RIMS2: variants seen among roughly 807,000 people sequenced by gnomAD.
RIMS2 encodes regulating synaptic membrane exocytosis protein 2.
RIMS2 carries 59 observed loss-of-function variants against 174.4 expected under a neutral mutation model. The ratio of observed to expected loss-of-function variants is 0.34; its 90% CI spans 0.27 to 0.42. The LOEUF (loss-of-function observed/expected upper bound fraction) is 0.42. Among genes scored for constraint, RIMS2 ranks in the 10% least tolerant of loss-of-function variants. The pLI, the probability that RIMS2 is intolerant of heterozygous loss-of-function variation, is 1.00. For synonymous variants in RIMS2, 606 were observed against 572.5 expected (o/e 1.06, Z -0.84); for missense variants, 1,620 against 1,666.3 (o/e 0.97, Z 0.48).
chr8:103,623,651 A>T (rs1212956653), intron 1 of RIMS2, among the ~76,000 whole-genome samples: 1 of 142,116 alleles, frequency 7.0e-6, no homozygotes, highest in Non-Finnish European at 1.6e-5. Flanking sequence ...CGCCCGGCTA[A>T]TTTTTTTTTT....
intron 1 of RIMS2, among the ~76,000 whole-genome samples, chr8:103,670,934 G>T (rs1180942380): frequency 6.6e-6 from 1 of 152,076 alleles, no homozygotes; most frequent in Non-Finnish European, 1.5e-5. Flanking sequence ...CCACTCTAAT[G>T]GTACCTGCTT....
Position 103,766,433 on chromosome 8 carries a change from AC to A in RIMS2, c.596del (p.Pro199LeufsTer23). 6.2e-7 allele frequency: 1 copy of A among 1,613,550 alleles called. No individual in the cohort carries two copies. Among genetic ancestry groups the A allele is most frequent in the Non-Finnish European group, 8.5e-7 (1 of 1,179,478 alleles). On this transcript the variant is annotated frameshift_variant, in exon 3 of 24. Transcript: ENST00000504942. LOFTEE classifies it high-confidence loss of function. The stretch of plus-strand genomic sequence containing the variant: ...AAGGACCCTCAGGTGACTTATCTGT[AC>A]CTGCAGTGGAGAAAAGTCGATCTCA...
intron 1 of RIMS2, among the ~76,000 whole-genome samples, chr8:103,579,873 A>T (rs1197653141): frequency 1.3e-5 from 2 of 152,214 alleles, no homozygotes; most frequent in African/African-American, 4.8e-5. Flanking sequence ...GCAAAGGGGA[A>T]GCAAGTATGT....
intron 19 of RIMS2, among the ~76,000 whole-genome samples, chr8:104,131,488 G>T (rs1037712624): frequency 1.4e-4 from 21 of 152,168 alleles, no homozygotes; most frequent in Non-Finnish European, 2.9e-4. Flanking sequence ...AAATAAATAT[G>T]TTATATTTGA....
chr8:103,748,714 G>T (rs577558859), intron 2 of RIMS2, among the ~76,000 whole-genome samples: 1 of 151,870 alleles, frequency 6.6e-6, no homozygotes, highest in Non-Finnish European at 1.5e-5. Flanking sequence ...AATTATGTCT[G>T]GTCCTTTGTC....
Position 103,746,244 on chromosome 8 carries a change from G to T in RIMS2, c.388-19983G>T, listed in dbSNP as rs148771473. ...ATCTTGGCTCCCTTGTTGAAAATCA[G>T]TTGACCATAGATGTATGGGTTTATT... On this transcript the variant is annotated intron_variant, in intron 2 of 23. Transcript: ENST00000504942. 2.3e-3 allele frequency among the ~76,000 whole-genome samples: 353 copies of T among 152,228 alleles called. 3 individuals carry two copies. The highest frequency in any genetic ancestry group is 8.1e-3 in the African/African-American group (336 of 41,532).
At chr8:103,536,958 A>T (rs545386438) in intron 1 of RIMS2, among the ~76,000 whole-genome samples, 1 of 152,346 alleles carries the variant, frequency 6.6e-6, no homozygotes, top group Admixed American at 6.5e-5. Context: ...GTAAAACAAA[A>T]ACCAAACTCA....
At chr8:104,061,157 G>A (rs1162729199) in intron 19 of RIMS2, among the ~76,000 whole-genome samples, 1 of 152,166 alleles carries the variant, frequency 6.6e-6, no homozygotes, top group African/African-American at 2.4e-5. Flanking sequence ...TCTGTCTAAT[G>A]TTGACAGTAG....
chr8:103,817,272 C>T (rs2098723712), intron 3 of RIMS2, among the ~76,000 whole-genome samples: 1 of 152,142 alleles, frequency 6.6e-6, no homozygotes, highest in Non-Finnish European at 1.5e-5. Flanking sequence ...GATTAGGCCA[C>T]TGGCAGGTAG....
At chr8:103,560,792 A>G (rs1178143750) in intron 1 of RIMS2, among the ~76,000 whole-genome samples, 1 of 152,216 alleles carries the variant, frequency 6.6e-6, no homozygotes, top group Non-Finnish European at 1.5e-5. Context: ...ATCAAAAATG[A>G]AACCCCAGAT....
chr8:103,972,625 A>C (rs75558347), intron 15 of RIMS2, among the ~76,000 whole-genome samples: 1 of 152,038 alleles, frequency 6.6e-6, no homozygotes, highest in African/African-American at 2.4e-5. Context: ...CAAGCACCCT[A>C]TCCTCCTTGC....
chr8:103,718,840 T>C (rs1213662510), intron 2 of RIMS2, among the ~76,000 whole-genome samples: 1 of 152,084 alleles, frequency 6.6e-6, no homozygotes, highest in African/African-American at 2.4e-5. Flanking sequence ...GGTACATTTT[T>C]GTGTGTATTT....
intron 1 of RIMS2, among the ~76,000 whole-genome samples, chr8:103,526,826 G>A (rs575163907): frequency 9.2e-5 from 14 of 151,802 alleles, no homozygotes; most frequent in Non-Finnish European, 1.8e-4. Flanking sequence ...GAGAAGGAGA[G>A]TGCAAGAGAC....
chr8:103,823,900 A>C (rs1280691828), intron 3 of RIMS2, among the ~76,000 whole-genome samples: 1 of 152,070 alleles, frequency 6.6e-6, no homozygotes, highest in African/African-American at 2.4e-5. Flanking sequence ...ATCATCTAAT[A>C]TACACATTTT....
At chr8:103,837,523 C>T (rs970266231) in intron 3 of RIMS2, among the ~76,000 whole-genome samples, 1 of 152,190 alleles carries the variant, frequency 6.6e-6, no homozygotes, top group Non-Finnish European at 1.5e-5. Flanking sequence ...TCCCTCCCCC[C>T]TCAACAGACC....
chr8:103,679,256 T>C (rs1415918330), intron 1 of RIMS2, among the ~76,000 whole-genome samples: 1 of 151,990 alleles, frequency 6.6e-6, no homozygotes, highest in East Asian at 1.9e-4. Flanking sequence ...TCTTATCTTA[T>C]GAGGAGCTCT....
At chr8:104,022,944 C>T (rs561269215) in intron 19 of RIMS2, among the ~76,000 whole-genome samples, 40 of 152,208 alleles carry the variant, frequency 2.6e-4, no homozygotes, top group African/African-American at 6.7e-4. Flanking sequence ...ATTTCACATA[C>T]GCTAACTTGG....
At chr8:103,916,367 A>G (rs764419660) in intron 7 of RIMS2, 47 bp from the exon 11 acceptor site, 3 of 1,433,234 alleles carry the variant, frequency 2.1e-6, no homozygotes, top group South Asian at 1.2e-5. Context: ...GTAATTTGTC[A>G]GATCAAATTT....
chr8:103,849,183 G>A (rs890475334), intron 3 of RIMS2, among the ~76,000 whole-genome samples: 2 of 152,028 alleles, frequency 1.3e-5, no homozygotes, highest in African/African-American at 2.4e-5. Context: ...CAGGGACCAC[G>A]GATATATTCA....
Sources: gnomAD v4.1 joint callset for allele counts (sites outside exome capture counted in the v4.1 genomes callset) on GRCh38, gnomAD v4.1.1 for gene constraint, MANE v1.5 for transcripts, NCBI Gene and HGNC (gene_info 2026-07-23, HGNC 2026-07-21) for gene names.